PVT1: variants seen among roughly 807,000 people sequenced by gnomAD.
PVT1 encodes CXCR4/PVT1 fusion.
At chr8:128,060,438 G>A (rs1434572677) in intron 4 of PVT1, among the ~76,000 whole-genome samples, 1 of 152,176 alleles carries the variant, frequency 6.6e-6, no homozygotes, top group South Asian at 2.1e-4. Context: ...ACTAAATGTG[G>A]TTTTGTACTT....
chr8:127,875,922 G>T (rs1192924258), intron 2 of PVT1, among the ~76,000 whole-genome samples: 1 of 152,212 alleles, frequency 6.6e-6, no homozygotes, highest in Non-Finnish European at 1.5e-5. Context: ...ATGCTGGAAA[G>T]AGATTGATTG....
chr8:127,980,938 G>T (rs190337791), intron 3 of PVT1, among the ~76,000 whole-genome samples: 1 of 151,640 alleles, frequency 6.6e-6, no homozygotes, highest in East Asian at 1.9e-4. Flanking sequence ...GTGGGATTAC[G>T]GGCATCCACC....
rs559065747 is a variant in PVT1 at position 128,051,989 on chromosome 8, A to G, written n.913-18171A>G. 3.9e-5 allele frequency among the ~76,000 whole-genome samples: 6 copies of G among 152,216 alleles called. No individual in the cohort carries two copies. The South Asian group carries it at 1.0e-3, about 26-fold the overall frequency. ...GTTTTTTAGTCATGTTTCCTTGTCT[A>G]TTTGTAACCCTTGGGGTCTTGTGTT... is the stretch of plus-strand genomic sequence containing the variant. On this transcript the variant is annotated intron_variant and non_coding_transcript_variant, in intron 4 of 10. Transcript: ENST00000651587.
At chr8:127,857,735 C>G (rs1005019573) in intron 2 of PVT1, among the ~76,000 whole-genome samples, 17 of 152,220 alleles carry the variant, frequency 1.1e-4, no homozygotes, top group African/African-American at 3.6e-4. Context: ...GGAGCATCCA[C>G]ATTTTCTGAC....
chr8:128,076,722 G>A (rs1814095500), intron 5 of PVT1, among the ~76,000 whole-genome samples: 1 of 152,148 alleles, frequency 6.6e-6, no homozygotes, highest in African/African-American at 2.4e-5. Context: ...ACTCGCTTAT[G>A]AGTGATTCAT....
chr8:127,920,027 C>T (rs903610050), intron 3 of PVT1, among the ~76,000 whole-genome samples: 1 of 152,172 alleles, frequency 6.6e-6, no homozygotes, highest in Admixed American at 6.5e-5. Context: ...CTCCTCTTGT[C>T]CCCAACAGTG....
intron 5 of PVT1, among the ~76,000 whole-genome samples, chr8:128,080,177 T>G (rs1814158290): frequency 6.6e-6 from 1 of 151,914 alleles, no homozygotes; most frequent in Non-Finnish European, 1.5e-5. Context: ...TTGGCAATTA[T>G]GCATAAAGCT....
chr8:127,932,418 A>C (rs1816217744), intron 3 of PVT1: 1 of 398,556 alleles, frequency 2.5e-6, no homozygotes, highest in Non-Finnish European at 4.4e-6. Context: ...ATGGGAGGAC[A>C]TGCGAGAACT....
At chr8:127,826,994 C>CTTTTTTTTTTTTTTTTTTTT (rs5894901) in intron 2 of PVT1, among the ~76,000 whole-genome samples, 3 of 113,956 alleles carry the variant, frequency 2.6e-5, no homozygotes, top group African/African-American at 3.5e-5. Context: ...TTCTTTTTCT[C>CTTTTTTTTTTTTTTTTTTTT]TTTTTTTTTT....
intron 4 of PVT1, among the ~76,000 whole-genome samples, chr8:128,064,572 G>T (rs1309214651): frequency 6.6e-6 from 1 of 152,176 alleles, no homozygotes; most frequent in Non-Finnish European, 1.5e-5. Flanking sequence ...TTCTAATTCA[G>T]TGGTTCTAGG....
chr8:128,057,013 C>T (rs891019026), intron 4 of PVT1, among the ~76,000 whole-genome samples: 6 of 152,120 alleles, frequency 3.9e-5, no homozygotes, highest in African/African-American at 7.2e-5. Context: ...TTTAGCTTCC[C>T]GCATCATTGA....
intron 3 of PVT1, among the ~76,000 whole-genome samples, chr8:127,970,654 G>A (rs1816756057): frequency 6.6e-6 from 1 of 152,076 alleles, no homozygotes; most frequent in Non-Finnish European, 1.5e-5. Context: ...CCTAACAGGT[G>A]CCAGGGGGAA....
At chr8:127,933,025 T>G (rs923532575) in intron 3 of PVT1, among the ~76,000 whole-genome samples, 2 of 152,218 alleles carry the variant, frequency 1.3e-5, no homozygotes, top group Non-Finnish European at 2.9e-5. Context: ...AAAGGGCATA[T>G]TATTGCCCTT....
intron 2 of PVT1, among the ~76,000 whole-genome samples, chr8:127,853,739 C>T (rs1239231605): frequency 6.6e-6 from 1 of 151,904 alleles, no homozygotes; most frequent in Non-Finnish European, 1.5e-5. Flanking sequence ...CAAGATTGTG[C>T]TGCTCTACTC....
At chr8:128,087,770 T>TTTTTTTTTTTTTTG (rs370583568) in intron 5 of PVT1, among the ~76,000 whole-genome samples, 3 of 115,594 alleles carry the variant, frequency 2.6e-5, no homozygotes, top group Non-Finnish European at 1.8e-5. Context: ...TTTTTTTTTT[T>TTTTTTTTTTTTTTG]GAGATGGAGT....
Position 128,089,345 on chromosome 8 carries a change from C to T in PVT1, n.1115-7173C>T, listed in dbSNP as rs567919829. ...CAGTGTCCTAATGTGAAGGAAGGGGCAGGAGAGCTCTCTGAGGTCGCTTAT... is the reference window on the plus strand; with the variant it reads ...CAGTGTCCTAATGTGAAGGAAGGGGTAGGAGAGCTCTCTGAGGTCGCTTAT... On this transcript the variant is annotated intron_variant and non_coding_transcript_variant, in intron 5 of 10. Transcript: ENST00000651587. 1.4e-4 allele frequency among the ~76,000 whole-genome samples: 21 copies of T among 152,168 alleles called. 1 individual carries two copies. The South Asian group carries it at 4.2e-3, about 30-fold the overall frequency.
chr8:127,936,173 T>C (rs1388896852), intron 3 of PVT1, among the ~76,000 whole-genome samples: 1 of 150,988 alleles, frequency 6.6e-6, no homozygotes, highest in Non-Finnish European at 1.5e-5. Context: ...TGCCTCAGCC[T>C]CCCGAGTAGC....
At chr8:127,796,770 C>T (rs2130182829) in intron 2 of PVT1, among the ~76,000 whole-genome samples, 1 of 151,896 alleles carries the variant, frequency 6.6e-6, no homozygotes, top group South Asian at 2.1e-4. Flanking sequence ...TGCCCCTTTG[C>T]TATTTGTTTT....
At chr8:127,837,400 T>TC (rs1810457721) in intron 2 of PVT1, among the ~76,000 whole-genome samples, 1 of 151,514 alleles carries the variant, frequency 6.6e-6, no homozygotes, top group African/African-American at 2.4e-5. Context: ...TTGTTGTTTT[T>TC]TTTTTTTTGA....
Sources: gnomAD v4.1 joint callset for allele counts (sites outside exome capture counted in the v4.1 genomes callset) on GRCh38, gnomAD v4.1.1 for gene constraint, MANE v1.5 for transcripts, NCBI Gene and HGNC (gene_info 2026-07-23, HGNC 2026-07-21) for gene names.